The following FAAH2 variants were observed in gnomAD, a reference collection of about 807,000 sequenced individuals.
The protein encoded by FAAH2 is fatty acid amide hydrolase 2.
In FAAH2, 60 loss-of-function variants were observed where a neutral mutation model predicts 36.9. The ratio of observed to expected loss-of-function variants is 1.63; its 90% CI spans 1.32 to 2.02. The LOEUF (loss-of-function observed/expected upper bound fraction) is 2.02, where lower values mean the gene tolerates loss of function less well. Among genes scored for constraint, FAAH2 ranks in the 30% most tolerant of loss-of-function variants. The pLI, the probability that FAAH2 is intolerant of heterozygous loss-of-function variation, is 0.00. For synonymous variants in FAAH2, 214 were observed against 143.8 expected (o/e 1.49, Z -3.49); for missense variants, 689 against 397.5 (o/e 1.73, Z -6.23).
intron 10 of FAAH2, among the ~76,000 whole-genome samples, chrX:57,466,188 A>C (rs971394239): frequency 9.8e-6 from 1 of 102,114 alleles, no homozygotes; most frequent in Non-Finnish European, 2.0e-5. Context: ...ATACCCACAC[A>C]CACATAGTAT....
intron 7 of FAAH2, among the ~76,000 whole-genome samples, chrX:57,427,147 A>T (rs1352527986): frequency 9.0e-6 from 1 of 111,041 alleles, no homozygotes; most frequent in African/African-American, 3.3e-5. Context: ...GAGGAAATGG[A>T]TAAATTTCTG....
intron 7 of FAAH2, among the ~76,000 whole-genome samples, chrX:57,412,511 T>C (rs1284320184): frequency 8.9e-6 from 1 of 111,858 alleles, no homozygotes; most frequent in African/African-American, 3.3e-5. Context: ...CTGAGAATGA[T>C]GGTTTCCAGC....
At chrX:57,352,066 ACACATATATATATGTGTATATATATG>A (rs2054023843) in intron 5 of FAAH2, among the ~76,000 whole-genome samples, 2 of 9,920 alleles carry the variant, frequency 2.0e-4, no homozygotes, top group Non-Finnish European at 4.4e-4. Context: ...ATATATATAT[ACACATATATATATGTGTATATATATG>A]CACATATATA....
chrX:57,386,259 C>T (rs1455763140), intron 7 of FAAH2, among the ~76,000 whole-genome samples: 3 of 110,938 alleles, frequency 2.7e-5, no homozygotes, highest in African/African-American at 9.8e-5. Flanking sequence ...AGAGAAATAC[C>T]ACCAGGGACA....
chrX:57,216,039 G>A, the FAAH2 span, among the ~76,000 whole-genome samples: 1 of 108,344 alleles, frequency 9.2e-6, no homozygotes, highest in African/African-American at 3.3e-5. Context: ...TGTGTGTGTA[G>A]TGTCACTGTT....
chrX:57,464,280 G>T (rs917189346), intron 10 of FAAH2, among the ~76,000 whole-genome samples: 1 of 110,865 alleles, frequency 9.0e-6, no homozygotes, highest in Admixed American at 9.7e-5. Context: ...AGGGGAGCAA[G>T]AGCATTAGGA....
the FAAH2 span, among the ~76,000 whole-genome samples, chrX:57,179,953 C>T: frequency 8.9e-6 from 1 of 112,061 alleles, no homozygotes; most frequent in Admixed American, 9.5e-5. Context: ...TAATTTCAGA[C>T]TAAGAAAATT....
At chrX:57,353,600 G>T (rs2054086673) in intron 5 of FAAH2, among the ~76,000 whole-genome samples, 1 of 109,500 alleles carries the variant, frequency 9.1e-6, no homozygotes, top group Non-Finnish European at 1.9e-5. Flanking sequence ...AACAAAAATG[G>T]ACAAATGTGA....
chrX:57,199,303 A>G, the FAAH2 span, among the ~76,000 whole-genome samples: 1 of 110,810 alleles, frequency 9.0e-6, no homozygotes, highest in Non-Finnish European at 1.9e-5. Context: ...AGTTGTTTCA[A>G]TAGAATTTTC....
intron 1 of FAAH2, chrX:57,290,176 T>A (rs907267313): frequency 1.3e-5 from 8 of 593,769 alleles, no homozygotes; most frequent in Non-Finnish European, 1.6e-5. Context: ...ATGGTCATGT[T>A]AACTTCTACC....
chrX:57,386,809 G>A (rs1174029787), intron 7 of FAAH2, among the ~76,000 whole-genome samples: 1 of 112,147 alleles, frequency 8.9e-6, no homozygotes, highest in East Asian at 2.8e-4. Flanking sequence ...AACTTTCTCT[G>A]CAGTGTCAGA....
At chrX:57,226,867 CT>C in the FAAH2 span, among the ~76,000 whole-genome samples, 1 of 111,357 alleles carries the variant, frequency 9.0e-6, no homozygotes, top group Non-Finnish European at 1.9e-5. Context: ...TTTTCTTTGT[CT>C]TTGTTGGATT....
At chrX:57,213,759 T>G in the FAAH2 span, among the ~76,000 whole-genome samples, 2 of 111,899 alleles carry the variant, frequency 1.8e-5, no homozygotes, top group Non-Finnish European at 3.8e-5. Context: ...TAGCCTATGT[T>G]GGAGAATGTC....
At chrX:57,177,686 A>C in the FAAH2 span, among the ~76,000 whole-genome samples, 1 of 101,012 alleles carries the variant, frequency 9.9e-6, no homozygotes, top group Admixed American at 1.1e-4. Flanking sequence ...ATGCATCTAC[A>C]TAGAACTCCT....
chrX:57,356,078 A>G (rs1285656370), intron 5 of FAAH2, among the ~76,000 whole-genome samples: 1 of 111,273 alleles, frequency 9.0e-6, no homozygotes, highest in Non-Finnish European at 1.9e-5. Flanking sequence ...GTGGATTAAT[A>G]CATTGATTTT....
the FAAH2 span, among the ~76,000 whole-genome samples, chrX:57,163,135 G>A: frequency 8.9e-6 from 1 of 112,015 alleles, no homozygotes; most frequent in African/African-American, 3.2e-5. Flanking sequence ...AGGTGTCAGT[G>A]TGCCCCTGCT....
At chrX:57,375,877 G>T (rs1249328067) in intron 5 of FAAH2, among the ~76,000 whole-genome samples, 3 of 111,224 alleles carry the variant, frequency 2.7e-5, no homozygotes, top group African/African-American at 9.8e-5. Context: ...TGACACTTAG[G>T]TTTTTAATCC....
chrX:57,455,462 T>G (rs747592450), intron 10 of FAAH2, among the ~76,000 whole-genome samples: 2 of 110,636 alleles, frequency 1.8e-5, no homozygotes, highest in South Asian at 7.7e-4. Flanking sequence ...TAACCCTGAA[T>G]GTAAAGGGTC....
the FAAH2 span, among the ~76,000 whole-genome samples, chrX:57,199,140 C>T: frequency 9.0e-6 from 1 of 110,935 alleles, no homozygotes; most frequent in Admixed American, 9.6e-5. Context: ...TTTTCCCTTT[C>T]CTTTATCTAC....
Sources: allele counts gnomAD v4.1 joint callset (sites outside exome capture counted in the v4.1 genomes callset), GRCh38; gene constraint gnomAD v4.1.1; transcripts MANE v1.5; gene names NCBI Gene and HGNC (gene_info 2026-07-23, HGNC 2026-07-21).